The following PCDH15 variants were observed in gnomAD, a reference collection of about 807,000 sequenced individuals.
PCDH15 encodes protocadherin-15.
A neutral mutation model predicts 178.5 loss-of-function variants in PCDH15; 129 were observed. The observed-to-expected ratio is 0.72, with a 90% CI of 0.63 to 0.84. PCDH15 has a LOEUF of 0.84. PCDH15 is among the 40% of genes least tolerant of loss of function. The pLI is 0.00. For missense variants in PCDH15, 2,230 were observed against 2,099.9 expected (o/e 1.06, Z -1.21); for synonymous variants, 800 against 732.0 (o/e 1.09, Z -1.50).
chr10:54,018,365 C>T (rs2245467), intron 20 of PCDH15, among the ~76,000 whole-genome samples: 115,031 of 151,980 alleles, frequency 0.76, 43,756 homozygotes, highest in Middle Eastern at 0.86. Context: ...CACTTTCCCA[C>T]AGTCTTCAGG....
At chr10:55,312,487 A>G (rs548475098) in intron 1 of PCDH15, among the ~76,000 whole-genome samples, 1 of 152,266 alleles carries the variant, frequency 6.6e-6, no homozygotes, top group South Asian at 2.1e-4. Flanking sequence ...GCACTGTATA[A>G]TAAGTGTAGC....
rs1840410883 is a variant in PCDH15, at chr10:55,206,644, T to C, written c.-155-39993A>G. 2.0e-5 allele frequency among the ~76,000 whole-genome samples: 3 copies of C among 152,122 alleles called. No individual in the cohort carries two copies. In the South Asian group the frequency reaches 6.2e-4, roughly 31 times the overall value. The stretch of plus-strand genomic sequence containing the variant: ...TAATTAATATAAGTGCATTTAAAAC[T>C]TAGACTACAACTTTAGACACATTTT... On this transcript the variant is annotated intron_variant, in intron 1 of 5. Coordinates refer to the PCDH15 transcript ENST00000458638.
intron 2 of PCDH15, among the ~76,000 whole-genome samples, chr10:55,127,368 C>A (rs1418986609): frequency 1.3e-5 from 2 of 152,002 alleles, no homozygotes; most frequent in Admixed American, 1.3e-4. Context: ...GAGGCTGAAC[C>A]AACTGGTTTA....
chr10:55,277,561 C>T (rs1361517576), intron 1 of PCDH15, among the ~76,000 whole-genome samples: 1 of 152,032 alleles, frequency 6.6e-6, no homozygotes, highest in Admixed American at 6.6e-5. Flanking sequence ...TGTGATAATT[C>T]ACCCTGCTTT....
intron 3 of PCDH15, among the ~76,000 whole-genome samples, chr10:54,520,219 T>G (rs540643581): frequency 2.0e-5 from 3 of 152,150 alleles, no homozygotes; most frequent in Non-Finnish European, 4.4e-5. Context: ...AAATAGGATC[T>G]AATTAAACTA....
chr10:54,204,199 A>G (rs1214969874), intron 10 of PCDH15, among the ~76,000 whole-genome samples: 1 of 152,128 alleles, frequency 6.6e-6, no homozygotes, highest in African/African-American at 2.4e-5. Context: ...TTAGCAGACA[A>G]TTCATTGCCA....
At chr10:55,551,372 C>G (rs1842000239) in intron 2 of PCDH15, among the ~76,000 whole-genome samples, 1 of 151,914 alleles carries the variant, frequency 6.6e-6, no homozygotes, top group Non-Finnish European at 1.5e-5. Flanking sequence ...TTTACAATTA[C>G]ATGCATTCTA....
intron 2 of PCDH15, among the ~76,000 whole-genome samples, chr10:55,038,430 T>C (rs1389019218): frequency 6.6e-6 from 1 of 152,198 alleles, no homozygotes. Context: ...GAGAATACTT[T>C]GTACTGGTCA....
At chr10:53,857,869 A>G (rs1283203252) in intron 27 of PCDH15, among the ~76,000 whole-genome samples, 2 of 152,054 alleles carry the variant, frequency 1.3e-5, no homozygotes, top group Non-Finnish European at 2.9e-5. Flanking sequence ...CTATGTTCTT[A>G]TATTTGAAAA....
At chr10:54,778,321 A>G (rs1949925297) in intron 1 of PCDH15, among the ~76,000 whole-genome samples, 1 of 151,770 alleles carries the variant, frequency 6.6e-6, no homozygotes. Flanking sequence ...CCCTATTTAT[A>G]TTACATTAAC....
chr10:53,930,067 T>G lies in PCDH15; in HGVS notation c.3373+8748A>C, dbSNP rs1345045975. Among the ~76,000 whole-genome samples, 11 of 152,260 alleles carry G rather than the reference T, an allele frequency of 7.2e-5. No individual in the cohort carries two copies. In the East Asian group the frequency reaches 2.1e-3, roughly 29 times the overall value. On this transcript the variant is annotated intron_variant, in intron 25 of 37. Transcript: ENST00000644397. ...TTCTTTGGGACCAAGTAACATTATA[T>G]CCTAAAAACCCAGGAGAGTTTGAGT...
chr10:53,808,289 TATTTTG>T, intron 37 of PCDH15: 1 of 430,502 alleles, frequency 2.3e-6, no homozygotes, highest in Non-Finnish European at 3.1e-6. Context: ...TCTTAGTATT[TATTTTG>T]AAAGATGATA....
chr10:55,043,715 A>AAAAT lies in PCDH15; in HGVS notation c.-80+122857_-80+122860dup, dbSNP rs1283304327. ...ACAAAGTGAGATCCTGTCTAAATAG[A>AAAAT]AAATAAATAAATAAATAAATAAATA... On this transcript the variant is annotated intron_variant, in intron 2 of 5. Coordinates refer to the PCDH15 transcript ENST00000458638. Among the ~76,000 whole-genome samples, 43 of 142,104 alleles carry AAAAT rather than the reference A, an allele frequency of 3.0e-4. 1 individual carries two copies. Among genetic ancestry groups the AAAAT allele is most frequent in the African/African-American group, 5.5e-4 (21 of 38,154 alleles). The allele number at this position is 142,104 out of a possible 152,430, so 93.2% of individuals were successfully genotyped here. A position where few individuals can be genotyped will look rare whatever the true frequency, so the allele number is the denominator to read the frequency against.
At chr10:54,421,842 ACACAC>A (rs1480766394) in intron 3 of PCDH15, among the ~76,000 whole-genome samples, 2,676 of 67,194 alleles carry the variant, frequency 0.04, 70 homozygotes, top group Non-Finnish European at 0.049. Context: ...ATATATACAC[ACACAC>A]TATATATATA....
intron 2 of PCDH15, among the ~76,000 whole-genome samples, chr10:55,081,965 A>C (rs1469946190): frequency 6.6e-6 from 1 of 152,148 alleles, no homozygotes; most frequent in African/African-American, 2.4e-5. Flanking sequence ...ACACCCCTAC[A>C]TGATAATAGT....
At chr10:55,509,816 T>C (rs2132149999) in intron 2 of PCDH15, among the ~76,000 whole-genome samples, 1 of 152,092 alleles carries the variant, frequency 6.6e-6, no homozygotes, top group African/African-American at 2.4e-5. Flanking sequence ...GCATTATTTA[T>C]GATTCTTAAG....
intron 8 of PCDH15, among the ~76,000 whole-genome samples, chr10:54,292,948 G>T (rs2059515011): frequency 6.6e-6 from 1 of 151,882 alleles, no homozygotes; most frequent in Non-Finnish European, 1.5e-5. Context: ...TTTCTTCACA[G>T]AATTGGAAAA....
rs1040676693 is a variant in PCDH15, at chr10:54,072,779, T to A, written c.2092-5894A>T. The stretch of plus-strand genomic sequence containing the variant: ...GGTCCCATCTAATAGGTTATGGCAC[T>A]GAATATACAGCAATGGCAGAGAGAG... On this transcript the variant is annotated intron_variant, in intron 17 of 37. Coordinates refer to ENST00000644397, the MANE Select transcript of PCDH15 (RefSeq NM_001384140.1). Among the ~76,000 whole-genome samples the A allele has an allele frequency of 7.2e-5, 11 of 152,306 alleles. No homozygotes were observed. In the East Asian group the frequency reaches 2.1e-3, roughly 29 times the overall value.
chr10:54,457,386 C>T (rs576479948), intron 3 of PCDH15, among the ~76,000 whole-genome samples: 2 of 152,198 alleles, frequency 1.3e-5, no homozygotes, highest in African/African-American at 4.8e-5. Context: ...TTAACAATGT[C>T]CTATTCTTTC....
Sources: allele counts gnomAD v4.1 joint callset (sites outside exome capture counted in the v4.1 genomes callset), GRCh38; gene constraint gnomAD v4.1.1; transcripts MANE v1.5; gene names NCBI Gene and HGNC (gene_info 2026-07-23, HGNC 2026-07-21).